The following OTULIN variants were observed in gnomAD, a reference collection of about 807,000 sequenced individuals.
The protein encoded by OTULIN is ubiquitin thioesterase otulin.
In OTULIN, 15 loss-of-function variants were observed where a neutral mutation model predicts 39.6. The ratio of observed to expected loss-of-function variants is 0.38; its 90% CI spans 0.25 to 0.58. The LOEUF (loss-of-function observed/expected upper bound fraction) is 0.58. Ranked by LOEUF, OTULIN falls within the 20% of genes least tolerant of loss-of-function variation. OTULIN has a pLI of 0.66. For missense variants in OTULIN, 319 were observed against 445.9 expected, an observed-to-expected ratio of 0.72 and a Z score of 2.56; for synonymous variants, 156 against 170.3, an observed-to-expected ratio of 0.92 and a Z score of 0.65.
chr5:14,698,836 C>T lies in OTULIN; in HGVS notation c.*5788C>T, dbSNP rs970740380. The T allele has an allele frequency of 1.3e-5, 2 of 152,286 alleles. No homozygotes were observed. The highest frequency in any genetic ancestry group is 1.3e-4 in the Admixed American group (2 of 15,284). The allele number at this position is 152,286 out of a possible 1,614,324, so 9.4% of individuals were successfully genotyped here. A position where few individuals can be genotyped will look rare whatever the true frequency, so the allele number is the denominator to read the frequency against. On this transcript the variant is annotated 3_prime_UTR_variant, in exon 7 of 7. Coordinates refer to ENST00000284274, the MANE Select transcript of OTULIN (RefSeq NM_138348.6). ...ATGAAGCAGTTAGCACAGTGCTTAACCCATACTAAGTGCCCCCAACCCTGC... is the reference window on the plus strand; with the variant it reads ...ATGAAGCAGTTAGCACAGTGCTTAATCCATACTAAGTGCCCCCAACCCTGC...
chr5:14,714,444 C>T, the OTULIN span, among the ~76,000 whole-genome samples: 1 of 151,946 alleles, frequency 6.6e-6, no homozygotes, highest in Non-Finnish European at 1.5e-5. Flanking sequence ...AGGGCCTGGG[C>T]CTTGAAGAGA....
chr5:14,702,283 AG>A (rs1203491756), downstream of OTULIN, among the ~76,000 whole-genome samples: 2 of 152,108 alleles, frequency 1.3e-5, no homozygotes, highest in African/African-American at 2.4e-5. Context: ...GATGGGCTGA[AG>A]GCCACAGCCC....
chr5:14,715,200 C>A, the OTULIN span, among the ~76,000 whole-genome samples: 1 of 152,174 alleles, frequency 6.6e-6, no homozygotes, highest in East Asian at 1.9e-4. Flanking sequence ...GGTGCAATCT[C>A]GACTCACTGC....
intron 5 of OTULIN, among the ~76,000 whole-genome samples, chr5:14,688,462 C>T (rs1262229928): frequency 1.3e-5 from 2 of 152,300 alleles, no homozygotes; most frequent in African/African-American, 4.8e-5. Context: ...TTCAGCTCCA[C>T]GAGAGACTGT....
chr5:14,669,888 T>G (rs938466882), intron 1 of OTULIN, among the ~76,000 whole-genome samples: 6 of 152,222 alleles, frequency 3.9e-5, no homozygotes, highest in African/African-American at 1.4e-4. Context: ...AATTAGCATG[T>G]CCATCATCTC....
chr5:14,677,567 A>T (rs945880411), intron 2 of OTULIN, among the ~76,000 whole-genome samples: 2 of 152,240 alleles, frequency 1.3e-5, no homozygotes, highest in Non-Finnish European at 2.9e-5. Context: ...ACATACCACA[A>T]AATCAAACCC....
At chr5:14,679,142 CTT>C (rs1012532338) in intron 3 of OTULIN, among the ~76,000 whole-genome samples, 1 of 152,200 alleles carries the variant, frequency 6.6e-6, no homozygotes, top group Non-Finnish European at 1.5e-5. Flanking sequence ...CACACTTCTG[CTT>C]TCCACAGCAC....
intron 6 of OTULIN, among the ~76,000 whole-genome samples, chr5:14,692,305 A>G (rs1017772024): frequency 6.6e-6 from 1 of 152,252 alleles, no homozygotes; most frequent in African/African-American, 2.4e-5. Context: ...TCTCATTGAC[A>G]TTTAGTACAC....
At chr5:14,687,254 G>C (rs957443071) in intron 4 of OTULIN, among the ~76,000 whole-genome samples, 1 of 152,168 alleles carries the variant, frequency 6.6e-6, no homozygotes, top group Non-Finnish European at 1.5e-5. Flanking sequence ...TGTCCTGGCC[G>C]TGGTTGGAGT....
intron 5 of OTULIN, 31 bp downstream of exon 5, chr5:14,687,677 G>T: frequency 1.3e-6 from 2 of 1,561,832 alleles, no homozygotes; most frequent in South Asian, 2.4e-5. Flanking sequence ...TGTCTGATAA[G>T]GGTGAAGCTC....
At chr5:14,670,551 C>T (rs960736029) in intron 1 of OTULIN, among the ~76,000 whole-genome samples, 10 of 152,104 alleles carry the variant, frequency 6.6e-5, no homozygotes, top group African/African-American at 1.7e-4. Context: ...ATATTGATTG[C>T]GCTTCATTGC....
intron 1 of OTULIN, among the ~76,000 whole-genome samples, chr5:14,666,677 T>A (rs1297861361): frequency 6.6e-6 from 1 of 152,212 alleles, no homozygotes; most frequent in African/African-American, 2.4e-5. Flanking sequence ...TTTCCTTATT[T>A]TTGTTGCGTT....
At chr5:14,674,463 GA>G (rs1736053212) in intron 2 of OTULIN, among the ~76,000 whole-genome samples, 1 of 152,214 alleles carries the variant, frequency 6.6e-6, no homozygotes, top group Admixed American at 6.5e-5. Context: ...AAATGGAATT[GA>G]AAGATAGAAG....
intron 1 of OTULIN, among the ~76,000 whole-genome samples, chr5:14,667,984 G>A (rs911393156): frequency 6.6e-6 from 1 of 152,204 alleles, no homozygotes; most frequent in African/African-American, 2.4e-5. Flanking sequence ...AATGCTTAGG[G>A]AATTGAGAAG....
chr5:14,672,916 T>C (rs1736014275), intron 1 of OTULIN, among the ~76,000 whole-genome samples: 1 of 152,236 alleles, frequency 6.6e-6, no homozygotes, highest in African/African-American at 2.4e-5. Flanking sequence ...AAGGGGTGCA[T>C]CTTCAAACCA....
chr5:14,665,992 C>G (rs555445858), intron 1 of OTULIN, among the ~76,000 whole-genome samples: 1 of 152,294 alleles, frequency 6.6e-6, no homozygotes, highest in Non-Finnish European at 1.5e-5. Flanking sequence ...GGAGAAATAT[C>G]CAAATCATAT....
chr5:14,712,611 C>G, the OTULIN span, among the ~76,000 whole-genome samples: 2 of 152,246 alleles, frequency 1.3e-5, no homozygotes, highest in African/African-American at 2.4e-5. Context: ...CGCTGGCTTT[C>G]TGAAATCCAT....
Position 14,681,370 on chromosome 5 carries a change from G to T in OTULIN, c.325-94G>T. ...CTCCAACTTTGGGCATCCTCCCAGT[G>T]ATCCCAGGCCAAGCTTTTTCCACAG... On this transcript the variant is annotated intron_variant, in intron 3 of 6. Transcript: ENST00000284274. 24 of 1,455,178 alleles carry T rather than the reference G, an allele frequency of 1.6e-5. 2 individuals carry two copies. The South Asian group carries it at 3.2e-4, about 19-fold the overall frequency. The allele number at this position is 1,455,178 out of a possible 1,614,324, so 90.1% of individuals were successfully genotyped here. A position where few individuals can be genotyped will look rare whatever the true frequency, so the allele number is the denominator to read the frequency against.
rs1212105718 is a variant in OTULIN, at chr5:14,697,586, A to T, written c.*4538A>T. On this transcript the variant is annotated 3_prime_UTR_variant, in exon 7 of 7. Coordinates refer to ENST00000284274, the MANE Select transcript of OTULIN (RefSeq NM_138348.6). ...ATAGAGTGGTTAAGTCTAGAAACAC[A>T]TACATTAATTGTATTGAAATGTTAT... 1 of 152,232 alleles carries T rather than the reference A, an allele frequency of 6.6e-6. No individual in the cohort carries two copies. The highest frequency in any genetic ancestry group is 1.5e-5 in the Non-Finnish European group (1 of 68,044). The allele number at this position is 152,232 out of a possible 1,614,324, so 9.4% of individuals were successfully genotyped here.
Sources: gnomAD v4.1 joint callset for allele counts (sites outside exome capture counted in the v4.1 genomes callset) on GRCh38, gnomAD v4.1.1 for gene constraint, MANE v1.5 for transcripts, NCBI Gene and HGNC (gene_info 2026-07-23, HGNC 2026-07-21) for gene names.